TOGARAM2: variants seen among roughly 807,000 people sequenced by gnomAD.
TOGARAM2 encodes the protein TOG array regulator of axonemal microtubules 2, also known as TOG array regulator of axonemal microtubules protein 2.
A neutral mutation model predicts 93.3 loss-of-function variants in TOGARAM2; 85 were observed. The ratio of observed to expected loss-of-function variants is 0.91; its 90% CI spans 0.76 to 1.09. TOGARAM2 has a LOEUF of 1.09. TOGARAM2 is among the 50% of genes least tolerant of loss of function. The probability of loss-of-function intolerance (pLI) is 0.00; values close to 1 mark genes in which losing one functional copy is unlikely to be tolerated. For synonymous variants in TOGARAM2, 593 were observed against 552.8 expected, an observed-to-expected ratio of 1.07 and a Z score of -1.02; for missense variants, 1,277 against 1,334.5, an observed-to-expected ratio of 0.96 and a Z score of 0.67.
Position 29,032,829 on chromosome 2 carries a change from G to C in TOGARAM2, c.2013-105G>C. On this transcript the variant is annotated intron_variant, in intron 14 of 19. Coordinates refer to ENST00000379558, the MANE Select transcript of TOGARAM2 (RefSeq NM_199280.4). ...GGGATTGCTTTTGTAATTAGAAAAA[G>C]TATTAAAAACTCTCTTTAATTAGGA... The C allele has an allele frequency of 5.7e-6, 5 of 883,970 alleles. No individual in the cohort carries two copies. In the South Asian group the frequency reaches 8.8e-5, roughly 16 times the overall value. The allele number at this position is 883,970 out of a possible 1,614,324, so 54.8% of individuals were successfully genotyped here. A position where few individuals can be genotyped will look rare whatever the true frequency, so the allele number is the denominator to read the frequency against.
intron 7 of TOGARAM2, among the ~76,000 whole-genome samples, chr2:29,013,793 C>T (rs893308829): frequency 9.9e-5 from 15 of 152,230 alleles, no homozygotes; most frequent in South Asian, 6.2e-4. Context: ...ACTCAAAGGT[C>T]GATCTCCTCT....
intron 1 of TOGARAM2, among the ~76,000 whole-genome samples, chr2:28,974,344 TC>T (rs1671996494): frequency 6.6e-6 from 1 of 152,146 alleles, no homozygotes. Flanking sequence ...GTCAGGCTGG[TC>T]TTGAACCCCT....
chr2:29,036,699 G>A lies in TOGARAM2; in HGVS notation c.2577G>A (p.Lys859=), dbSNP rs763601814. ...IITVADNLNS[K]NSGIYAAAVA... Reference sequence around the variant, plus strand: ...CTGTTGCAGACAACCTCAACTCCAAGAACTCAGGGATTTACGCTGCTGCCG... The same window carrying A: ...CTGTTGCAGACAACCTCAACTCCAAAAACTCAGGGATTTACGCTGCTGCCG... The change falls in exon 18 of 20, where the codon AAG becomes AAA. Residue 859 remains lysine (K), a synonymous_variant. Coordinates refer to ENST00000379558, the MANE Select transcript of TOGARAM2 (RefSeq NM_199280.4). The A allele has an allele frequency of 5.0e-6, 8 of 1,613,850 alleles. No individual in the cohort carries two copies. In the African/African-American group the frequency reaches 9.3e-5, roughly 19 times the overall value.
chr2:29,036,715 G>A lies in TOGARAM2; in HGVS notation c.2593G>A (p.Ala865Thr), dbSNP rs774606058. ...NLNSKNSGIY[A>T]AAVAVLDAMV... The stretch of plus-strand genomic sequence containing the variant: ...CAACTCCAAGAACTCAGGGATTTAC[G>A]CTGCTGCCGTGGCTGTGCTGGATGC... The change falls in exon 18 of 20, where the codon GCT becomes ACT. Residue 865 changes from alanine (A) to threonine (T), a missense_variant. Coordinates refer to ENST00000379558, the MANE Select transcript of TOGARAM2 (RefSeq NM_199280.4). 1.7e-5 allele frequency: 28 copies of A among 1,613,910 alleles called. No homozygotes were observed. Among genetic ancestry groups the A allele is most frequent in the South Asian group, 1.2e-4 (11 of 91,064 alleles).
intron 1 of TOGARAM2, among the ~76,000 whole-genome samples, chr2:28,990,899 C>T (rs1341565388): frequency 2.0e-5 from 3 of 151,556 alleles, no homozygotes; most frequent in African/African-American, 7.3e-5. Context: ...TCTCTGTCAC[C>T]TGGGTCTGTC....
chr2:28,976,379 C>T (rs1353138936), upstream of TOGARAM2, among the ~76,000 whole-genome samples: 1 of 151,756 alleles, frequency 6.6e-6, no homozygotes, highest in Non-Finnish European at 1.5e-5. Context: ...TCAAAAACAA[C>T]AACAACAACA....
rs886837931 is a variant in TOGARAM2 at position 28,986,427 on chromosome 2, T to C, written c.-111+4889T>C. ...GGATGGCCACATTCCTCGGCTGCGT[T>C]GGGCATAAAACAGTTGGGAAGTGCT... On this transcript the variant is annotated intron_variant, in intron 1 of 19. Coordinates refer to ENST00000379558, the MANE Select transcript of TOGARAM2 (RefSeq NM_199280.4). Among the ~76,000 whole-genome samples, 9 of 152,202 alleles carry C rather than the reference T, an allele frequency of 5.9e-5. No individual in the cohort carries two copies. In the East Asian group the frequency reaches 1.5e-3, roughly 26 times the overall value.
chr2:28,973,506 C>T (rs1671983903), intron 1 of TOGARAM2, among the ~76,000 whole-genome samples: 1 of 143,062 alleles, frequency 7.0e-6, no homozygotes, highest in African/African-American at 2.6e-5. Flanking sequence ...CTCCCTCCCT[C>T]CTTCCCTCCT....
At chr2:29,031,542 A>G (rs77477162) in intron 14 of TOGARAM2, among the ~76,000 whole-genome samples, 2,886 of 152,338 alleles carry the variant, frequency 0.019, 105 homozygotes, top group African/African-American at 0.065. Flanking sequence ...ATATTACACT[A>G]TTATTTGCAA....
At chr2:28,992,923 G>A (rs1672805062) in intron 1 of TOGARAM2, among the ~76,000 whole-genome samples, 1 of 152,154 alleles carries the variant, frequency 6.6e-6, no homozygotes, top group East Asian at 1.9e-4. Flanking sequence ...AGCTGGCCAT[G>A]GTGATGTATG....
In TOGARAM2 at chr2:29,021,435, G is replaced by T. The variant is rs112923871; in HGVS notation, c.1361-723G>T. Among the ~76,000 whole-genome samples, 1,281 of 152,286 alleles carry T rather than the reference G, an allele frequency of 8.4e-3. 24 individuals carry two copies. The highest frequency in any genetic ancestry group is 0.029 in the African/African-American group (1,214 of 41,538). On this transcript the variant is annotated intron_variant, in intron 10 of 19. Transcript: ENST00000379558. ...CTGTGGAGGGTCCCCCACCCTCTCT[G>T]GGCCTCTGGGACCTCAACTGTGTGA...
At chr2:29,005,318 T>C (rs1673654701) in intron 6 of TOGARAM2, among the ~76,000 whole-genome samples, 1 of 116,050 alleles carries the variant, frequency 8.6e-6, no homozygotes, top group Non-Finnish European at 1.9e-5. Flanking sequence ...GGGGTATGTG[T>C]GCATGTGTGT....
chr2:29,011,866 C>A (rs112487105), intron 7 of TOGARAM2, among the ~76,000 whole-genome samples: 15 of 152,356 alleles, frequency 9.8e-5, no homozygotes, highest in African/African-American at 3.6e-4. Flanking sequence ...TGAGCCCCAT[C>A]AGGCTTGCAG....
intron 19 of TOGARAM2, chr2:29,048,882 C>G (rs1194739318): frequency 7.8e-6 from 1 of 127,534 alleles, no homozygotes; most frequent in African/African-American, 3.0e-5. Flanking sequence ...CAGAGTCTTG[C>G]TTTGTTGCCC....
chr2:28,997,406 C>T (rs966990547), intron 2 of TOGARAM2, among the ~76,000 whole-genome samples: 9 of 152,184 alleles, frequency 5.9e-5, no homozygotes, highest in Admixed American at 5.9e-4. Context: ...CTTTTTCTGT[C>T]CCCATCTCTG....
chr2:29,051,790 A>C lies in TOGARAM2; in HGVS notation c.2757A>C (p.Gln919His). ...CCTCAGTTTACCCCCGGAAGCCTCAAGCTGTAGAGCGGCATGTCCTTCCCA... is the reference window on the plus strand; with the variant it reads ...CCTCAGTTTACCCCCGGAAGCCTCACGCTGTAGAGCGGCATGTCCTTCCCA... ...LVASVYPRKPQAVERHVLPIL... is the reference protein window; with the variant it reads ...LVASVYPRKPHAVERHVLPIL... Residue 919 changes from glutamine (Q) to histidine (H), a missense_variant, in exon 20 of 20, where the codon CAA (glutamine) becomes CAC (histidine). By Grantham distance (24) the Gln-to-His change is conservative. Coordinates refer to ENST00000379558, the MANE Select transcript of TOGARAM2 (RefSeq NM_199280.4). 1 of 1,539,312 alleles carries C rather than the reference A, an allele frequency of 6.5e-7. No homozygotes were observed. Among genetic ancestry groups the C allele is most frequent in the Non-Finnish European group, 8.8e-7 (1 of 1,137,224 alleles).
At chr2:28,990,630 C>A (rs911173499) in intron 1 of TOGARAM2, among the ~76,000 whole-genome samples, 1 of 152,206 alleles carries the variant, frequency 6.6e-6, no homozygotes, top group Non-Finnish European at 1.5e-5. Context: ...AGGCCCAGCA[C>A]GGATGCTGCT....
rs578163071 is a variant in TOGARAM2, at chr2:28,990,456, G to A, written c.-110-4269G>A. Among the ~76,000 whole-genome samples, 58 of 152,240 alleles carry A rather than the reference G, an allele frequency of 3.8e-4. 1 individual carries two copies. Among genetic ancestry groups the A allele is most frequent in the Admixed American group, 5.2e-4 (8 of 15,304 alleles). On this transcript the variant is annotated intron_variant, in intron 1 of 19. Transcript: ENST00000379558. Reference sequence around the variant, plus strand: ...TCACAGAGCATTCTGGGTCTCCCCCGATGGCCCTCATCCCGCTCCCCGGGC... The same window carrying A: ...TCACAGAGCATTCTGGGTCTCCCCCAATGGCCCTCATCCCGCTCCCCGGGC...
intron 1 of TOGARAM2, among the ~76,000 whole-genome samples, chr2:28,992,602 G>A (rs1040373974): frequency 2.0e-5 from 3 of 152,156 alleles, no homozygotes; most frequent in South Asian, 2.1e-4. Context: ...AACCTCAGGC[G>A]GCTCGAGTCT....
Sources: gnomAD v4.1 joint callset for allele counts (sites outside exome capture counted in the v4.1 genomes callset) on GRCh38, gnomAD v4.1.1 for gene constraint, MANE v1.5 for transcripts, NCBI Gene and HGNC (gene_info 2026-07-23, HGNC 2026-07-21) for gene names.